The following SPAG16 variants were observed in gnomAD, a reference collection of about 807,000 sequenced individuals.
The protein encoded by SPAG16 is sperm-associated antigen 16 protein.
SPAG16 carries 86 observed loss-of-function variants against 80.4 expected under a neutral mutation model. The observed-to-expected ratio is 1.07, with a 90% CI of 0.90 to 1.28. The LOEUF is 1.28. Ranked by LOEUF, SPAG16 falls within the 50% of genes most tolerant of loss-of-function variation. The pLI, the probability that SPAG16 is intolerant of heterozygous loss-of-function variation, is 0.00. For synonymous variants in SPAG16, 294 were observed against 265.9 expected (o/e 1.11, Z -1.03); for missense variants, 870 against 765.3 (o/e 1.14, Z -1.61).
intron 13 of SPAG16, among the ~76,000 whole-genome samples, chr2:214,035,452 CCTCAACCCCCCTCACATA>C (rs2125067151): frequency 6.6e-6 from 1 of 152,280 alleles, no homozygotes; most frequent in Non-Finnish European, 1.5e-5. Flanking sequence ...CTCAGCAGCC[CCTCAACCCCCCTCACATA>C]CTTGTTGGTG....
chr2:213,290,344 G>C (rs1252502545), intron 1 of SPAG16, among the ~76,000 whole-genome samples: 1 of 152,156 alleles, frequency 6.6e-6, no homozygotes, highest in East Asian at 1.9e-4. Context: ...ACCTGGCCTG[G>C]ACTTGGATGG....
rs1440869607 is a variant in SPAG16, at chr2:213,317,323, A to G, written c.503A>G (p.Lys168Arg). 6.2e-7 allele frequency: 1 copy of G among 1,611,196 alleles called. No homozygotes were observed. The highest frequency in any genetic ancestry group is 1.7e-5 in the Admixed American group (1 of 59,740). ...TTGGAAAATGAGAACAAAAATTTAA[A>G]GAAAGATTTGAAGCACTACAAACAA... is the stretch of plus-strand genomic sequence containing the variant. ...MLLENENKNLKKDLKHYKQAA... is the reference protein window; with the variant it reads ...MLLENENKNLRKDLKHYKQAA... The change falls in exon 5 of 16, where the codon AAG becomes AGG. Residue 168 changes from lysine (K) to arginine (R), a missense_variant. Lys to Arg is a conservative substitution (Grantham distance 26). Transcript: ENST00000331683.
intron 11 of SPAG16, among the ~76,000 whole-genome samples, chr2:213,927,906 C>T (rs73987001): frequency 0.014 from 2,195 of 152,264 alleles, 60 homozygotes; most frequent in African/African-American, 0.05. Context: ...AATTTTTTTA[C>T]ATGCATGTTT....
intron 10 of SPAG16, among the ~76,000 whole-genome samples, chr2:213,671,468 G>T (rs181368322): frequency 6.6e-6 from 1 of 152,130 alleles, no homozygotes; most frequent in South Asian, 2.1e-4. Flanking sequence ...GCAGAACTGT[G>T]AGCAAGATGG....
At chr2:214,212,008 C>T (rs1431150140) in intron 15 of SPAG16, among the ~76,000 whole-genome samples, 1 of 152,152 alleles carries the variant, frequency 6.6e-6, no homozygotes, top group Non-Finnish European at 1.5e-5. Flanking sequence ...TCATTCTTAT[C>T]TTGCTAAAGC....
intron 10 of SPAG16, among the ~76,000 whole-genome samples, chr2:213,760,467 C>A (rs1215510301): frequency 6.7e-6 from 1 of 149,194 alleles, no homozygotes; most frequent in East Asian, 2.0e-4. Flanking sequence ...CACAGTTCCA[C>A]AGTAATAGTT....
chr2:214,111,312 G>T (rs1160583029), intron 14 of SPAG16, among the ~76,000 whole-genome samples: 1 of 152,100 alleles, frequency 6.6e-6, no homozygotes, highest in African/African-American at 2.4e-5. Flanking sequence ...TTTGTATAAG[G>T]TGTGAGGAAA....
At chr2:213,360,341 A>C (rs1232786858) in intron 7 of SPAG16, among the ~76,000 whole-genome samples, 1 of 152,240 alleles carries the variant, frequency 6.6e-6, no homozygotes, top group Admixed American at 6.5e-5. Flanking sequence ...TAGTTATAGG[A>C]CAAGCTGTGT....
intron 12 of SPAG16, among the ~76,000 whole-genome samples, chr2:213,967,414 A>G (rs565619857): frequency 2.0e-5 from 3 of 152,330 alleles, no homozygotes; most frequent in African/African-American, 7.2e-5. Flanking sequence ...GGTAAATGAA[A>G]GTAAAGAGAG....
chr2:214,193,130 T>C (rs1464107556), intron 15 of SPAG16, among the ~76,000 whole-genome samples: 1 of 152,048 alleles, frequency 6.6e-6, no homozygotes, highest in Non-Finnish European at 1.5e-5. Flanking sequence ...TTAAGGCCAC[T>C]GGTATAGAGG....
rs758838204 is a variant in SPAG16 at position 214,182,117 on chromosome 2, AC to A, written c.1720+32853del. ...GACAGTTTATCTCTTTCTTCTCTCTACCTTTTGCTGGAGATTTAAATATATA... is the reference window on the plus strand; with the variant it reads ...GACAGTTTATCTCTTTCTTCTCTCTACTTTTGCTGGAGATTTAAATATATA... On this transcript the variant is annotated intron_variant, in intron 15 of 15. Coordinates refer to ENST00000331683, the MANE Select transcript of SPAG16 (RefSeq NM_024532.5). 2.7e-4 allele frequency among the ~76,000 whole-genome samples: 41 copies of A among 151,676 alleles called. 1 individual carries two copies. The highest frequency in any genetic ancestry group is 2.3e-3 in the East Asian group (12 of 5,158).
intron 14 of SPAG16, among the ~76,000 whole-genome samples, chr2:214,137,129 G>A (rs1185926091): frequency 6.6e-6 from 1 of 152,068 alleles, no homozygotes; most frequent in African/African-American, 2.4e-5. Flanking sequence ...ATAATTTCAT[G>A]AAATCTAACT....
At chr2:213,546,147 A>G (rs1018373407) in intron 10 of SPAG16, among the ~76,000 whole-genome samples, 20 of 152,092 alleles carry the variant, frequency 1.3e-4, no homozygotes, top group Non-Finnish European at 2.9e-5. Flanking sequence ...TCTTAAACAG[A>G]CTAGTCAATT....
intron 11 of SPAG16, among the ~76,000 whole-genome samples, chr2:213,871,930 A>G (rs576622842): frequency 1.3e-4 from 20 of 151,922 alleles, no homozygotes; most frequent in Admixed American, 3.3e-4. Flanking sequence ...CCTTAGAAGG[A>G]AGCCTGATTT....
rs540630412 is a variant in SPAG16 at position 213,444,512 on chromosome 2, T to C, written c.943-45451T>C. ...TATTTCAAGAACATCTTTCTGAAGT[T>C]CTTAAAATACAACAATAAGAAAACA... On this transcript the variant is annotated intron_variant, in intron 9 of 15. Transcript: ENST00000331683. Among the ~76,000 whole-genome samples, 16 of 152,342 alleles carry C rather than the reference T, an allele frequency of 1.1e-4. No homozygotes were observed. In the South Asian group the frequency reaches 1.7e-3, roughly 16 times the overall value.
At chr2:214,035,909 C>T (rs1181164031) in intron 13 of SPAG16, among the ~76,000 whole-genome samples, 3 of 152,298 alleles carry the variant, frequency 2.0e-5, no homozygotes, top group East Asian at 1.9e-4. Context: ...GAGTGCACAG[C>T]CCTGGCATGC....
rs112020628 is a variant in SPAG16, at chr2:214,271,575, T to C, written c.1720+122309T>C. ...CAGCACTTTGGGAGGCCAAGGCGGG[T>C]GGATCACCTGAGGTCAGGAGTTTGA... is the stretch of plus-strand genomic sequence containing the variant. On this transcript the variant is annotated intron_variant, in intron 15 of 15. Coordinates refer to ENST00000331683, the MANE Select transcript of SPAG16 (RefSeq NM_024532.5). 5.5e-4 allele frequency among the ~76,000 whole-genome samples: 83 copies of C among 152,028 alleles called. No individual in the cohort carries two copies. The South Asian group carries it at 6.8e-3, about 13-fold the overall frequency.
At chr2:213,667,172 T>C (rs1179049581) in intron 10 of SPAG16, among the ~76,000 whole-genome samples, 1 of 152,214 alleles carries the variant, frequency 6.6e-6, no homozygotes, top group Non-Finnish European at 1.5e-5. Flanking sequence ...GGATAAATAA[T>C]ATTGTTTGTA....
intron 13 of SPAG16, among the ~76,000 whole-genome samples, chr2:214,020,148 G>T (rs1395049173): frequency 6.6e-6 from 1 of 152,086 alleles, no homozygotes; most frequent in East Asian, 1.9e-4. Context: ...AGTTGCGCAA[G>T]AACAGCCCAG....
Sources: allele counts gnomAD v4.1 joint callset (sites outside exome capture counted in the v4.1 genomes callset), GRCh38; gene constraint gnomAD v4.1.1; transcripts MANE v1.5; gene names NCBI Gene and HGNC (gene_info 2026-07-23, HGNC 2026-07-21).